XYLT1: variants seen among roughly 807,000 people sequenced by gnomAD.
The protein encoded by XYLT1 is beta-D-xylosyltransferase 1.
Under a neutral mutation model 91.3 loss-of-function variants are expected in XYLT1, and 36 were observed. That is an observed-to-expected ratio of 0.39 (90% CI 0.30 to 0.52). The LOEUF (loss-of-function observed/expected upper bound fraction) is 0.52, where lower values mean the gene tolerates loss of function less well. Ranked by LOEUF, XYLT1 falls within the 20% of genes least tolerant of loss-of-function variation. XYLT1 has a pLI of 0.68. For missense variants in XYLT1, 1,242 were observed against 1,284.5 expected (o/e 0.97, Z 0.51); for synonymous variants, 588 against 532.0 (o/e 1.11, Z -1.45).
chr16:17,432,253 C>T (rs959035113), intron 1 of XYLT1, among the ~76,000 whole-genome samples: 3 of 152,218 alleles, frequency 2.0e-5, no homozygotes, highest in African/African-American at 7.2e-5. Context: ...CATATGTCCA[C>T]ACCCAGACTT....
At chr16:17,319,416 G>A (rs1022389371) in intron 2 of XYLT1, among the ~76,000 whole-genome samples, 1 of 151,936 alleles carries the variant, frequency 6.6e-6, no homozygotes, top group Non-Finnish European at 1.5e-5. Flanking sequence ...TCAAAGAATG[G>A]GTCAGAGAGT....
At chr16:17,232,525 G>T (rs1383209627) in intron 3 of XYLT1, among the ~76,000 whole-genome samples, 3 of 149,636 alleles carry the variant, frequency 2.0e-5, no homozygotes, top group Non-Finnish European at 3.0e-5. Flanking sequence ...GGGCTTTATG[G>T]TATGTTCTCA....
intron 1 of XYLT1, among the ~76,000 whole-genome samples, chr16:17,408,863 A>C (rs922855326): frequency 2.6e-5 from 4 of 152,102 alleles, no homozygotes; most frequent in Non-Finnish European, 4.4e-5. Context: ...AACAAAACAA[A>C]ACAAAAAAAA....
intron 2 of XYLT1, among the ~76,000 whole-genome samples, chr16:17,293,919 G>A (rs2034270407): frequency 6.6e-6 from 1 of 152,210 alleles, no homozygotes; most frequent in Non-Finnish European, 1.5e-5. Flanking sequence ...CAGAGCAGAA[G>A]ACAGGAGGGG....
chr16:17,140,658 C>CAAAAAAAAAAAAAAAAAAA (rs71137974), intron 7 of XYLT1, among the ~76,000 whole-genome samples: 1 of 68,028 alleles, frequency 1.5e-5, no homozygotes, highest in African/African-American at 5.8e-5. Flanking sequence ...AAGACTGTCT[C>CAAAAAAAAAAAAAAAAAAA]AAAAAAAAAA....
intron 1 of XYLT1, among the ~76,000 whole-genome samples, chr16:17,368,675 T>C (rs952314445): frequency 6.6e-6 from 1 of 151,598 alleles, no homozygotes; most frequent in Non-Finnish European, 1.5e-5. Context: ...GCCTTGAACT[T>C]CTGGGCTCAA....
chr16:17,404,932 C>A (rs892716215), intron 1 of XYLT1, among the ~76,000 whole-genome samples: 2 of 152,194 alleles, frequency 1.3e-5, no homozygotes. Context: ...TCTTTGCACA[C>A]CTCTGAGAGG....
At chr16:17,243,649 C>A (rs13338458) in intron 3 of XYLT1, among the ~76,000 whole-genome samples, 7,582 of 152,202 alleles carry the variant, frequency 0.05, 603 homozygotes, top group African/African-American at 0.17. Flanking sequence ...CCAAGCCGAC[C>A]GACTCAAGCT....
At chr16:17,379,763 T>TCTCA (rs373354877) in intron 1 of XYLT1, among the ~76,000 whole-genome samples, 71 of 125,618 alleles carry the variant, frequency 5.7e-4, no homozygotes, top group East Asian at 2.8e-3. Context: ...TCTCTCTCTC[T>TCTCA]CACACACACA....
chr16:17,366,255 G>T (rs1210594754), intron 1 of XYLT1, among the ~76,000 whole-genome samples: 2 of 152,256 alleles, frequency 1.3e-5, no homozygotes, highest in African/African-American at 4.8e-5. Flanking sequence ...CCTGGCTACT[G>T]CAAGCAACAG....
At chr16:17,145,223 C>T (rs1037775720) in intron 6 of XYLT1, among the ~76,000 whole-genome samples, 8 of 152,216 alleles carry the variant, frequency 5.3e-5, no homozygotes, top group Non-Finnish European at 1.2e-4. Flanking sequence ...TTTGCCTGCT[C>T]AGCATCCATT....
At chr16:17,343,279 C>T (rs770592003) in intron 2 of XYLT1, among the ~76,000 whole-genome samples, 4 of 152,176 alleles carry the variant, frequency 2.6e-5, no homozygotes, top group Non-Finnish European at 4.4e-5. Flanking sequence ...AAAACCGTCT[C>T]CCTGCGGTCT....
chr16:17,394,761 T>C (rs1296829091), intron 1 of XYLT1, among the ~76,000 whole-genome samples: 1 of 152,208 alleles, frequency 6.6e-6, no homozygotes, highest in Non-Finnish European at 1.5e-5. Flanking sequence ...TCAGTTTACC[T>C]ATAGGCAAAA....
chr16:17,353,269 C>T (rs538961754), intron 2 of XYLT1, among the ~76,000 whole-genome samples: 1 of 152,278 alleles, frequency 6.6e-6, no homozygotes, highest in African/African-American at 2.4e-5. Context: ...GGCAAAAGAG[C>T]TCCTTTATTA....
chr16:17,141,571 A>G (rs893138229), intron 6 of XYLT1, among the ~76,000 whole-genome samples: 3 of 152,130 alleles, frequency 2.0e-5, no homozygotes, highest in African/African-American at 7.2e-5. Flanking sequence ...TACCCCTATG[A>G]CGCAGGTACT....
chr16:17,162,163 T>C (rs1055738818), intron 5 of XYLT1, among the ~76,000 whole-genome samples: 1 of 152,072 alleles, frequency 6.6e-6, no homozygotes, highest in Admixed American at 6.6e-5. Context: ...ATTCCAGCAC[T>C]TGGGGAGGCC....
chr16:17,112,346 A>G (rs1966843458), intron 11 of XYLT1, among the ~76,000 whole-genome samples: 1 of 151,488 alleles, frequency 6.6e-6, no homozygotes. Context: ...TCGCTAACAA[A>G]TACAATTACC....
At chr16:17,330,085 C>T (rs976537846) in intron 2 of XYLT1, among the ~76,000 whole-genome samples, 2 of 128,836 alleles carry the variant, frequency 1.6e-5, no homozygotes, top group Non-Finnish European at 3.3e-5. Context: ...AATCTATATG[C>T]ACCACATATG....
intron 2 of XYLT1, among the ~76,000 whole-genome samples, chr16:17,313,200 C>T (rs1201296234): frequency 6.6e-6 from 1 of 152,256 alleles, no homozygotes; most frequent in Non-Finnish European, 1.5e-5. Context: ...AGTTCTGAGC[C>T]TCAGCCCCTG....
Sources: allele counts gnomAD v4.1 joint callset (sites outside exome capture counted in the v4.1 genomes callset), GRCh38; gene constraint gnomAD v4.1.1; transcripts MANE v1.5; gene names NCBI Gene and HGNC (gene_info 2026-07-23, HGNC 2026-07-21).